PDE8B: variants seen among roughly 807,000 people sequenced by gnomAD.
PDE8B encodes the protein high affinity cAMP-specific and IBMX-insensitive 3',5'-cyclic phosphodiesterase 8B.
In PDE8B, 26 loss-of-function variants were observed where a neutral mutation model predicts 101.3. The observed-to-expected ratio is 0.26, with a 90% CI of 0.19 to 0.36. The LOEUF (loss-of-function observed/expected upper bound fraction) is 0.36. Ranked by LOEUF, PDE8B falls within the 10% of genes least tolerant of loss-of-function variation. PDE8B has a pLI of 1.00. For missense variants in PDE8B, 810 were observed against 1,163.1 expected (o/e 0.70, Z 4.42); for synonymous variants, 424 against 429.3 (o/e 0.99, Z 0.15).
At chr5:77,390,224 A>AG (rs1226802054) in intron 10 of PDE8B, among the ~76,000 whole-genome samples, 2 of 152,242 alleles carry the variant, frequency 1.3e-5, no homozygotes, top group Non-Finnish European at 2.9e-5. Flanking sequence ...AGTGCTTTTT[A>AG]GAACCAAGCA....
At chr5:77,219,712 T>C (rs1484673620) in intron 1 of PDE8B, among the ~76,000 whole-genome samples, 2 of 152,116 alleles carry the variant, frequency 1.3e-5, no homozygotes, top group Non-Finnish European at 2.9e-5. Context: ...ATTTTCAGCT[T>C]AAAAAATGGA....
the PDE8B span, among the ~76,000 whole-genome samples, chr5:77,176,273 T>G: frequency 3.7e-4 from 57 of 152,244 alleles, no homozygotes; most frequent in Non-Finnish European, 6.3e-4. Flanking sequence ...GTTGGTTTTG[T>G]TGCCCTTTTC....
chr5:77,153,857 G>C, the PDE8B span, among the ~76,000 whole-genome samples: 1 of 152,146 alleles, frequency 6.6e-6, no homozygotes, highest in East Asian at 1.9e-4. Flanking sequence ...TTACAGGCAT[G>C]AGCCACCATG....
At chr5:77,256,025 G>T (rs1759090174) in intron 1 of PDE8B, among the ~76,000 whole-genome samples, 1 of 152,102 alleles carries the variant, frequency 6.6e-6, no homozygotes, top group African/African-American at 2.4e-5. Context: ...TTGCTCTCGT[G>T]GTTGATTTAT....
intron 10 of PDE8B, among the ~76,000 whole-genome samples, chr5:77,383,090 C>A (rs1581382297): frequency 6.6e-6 from 1 of 152,204 alleles, no homozygotes; most frequent in Admixed American, 6.5e-5. Context: ...CACATCCTCT[C>A]CAGCATCTGT....
the PDE8B span, among the ~76,000 whole-genome samples, chr5:77,097,612 T>C: frequency 1.4e-5 from 2 of 141,444 alleles, no homozygotes; most frequent in African/African-American, 5.1e-5. Context: ...GGTATCATCC[T>C]CCAAATATCA....
chr5:77,166,216 T>C, the PDE8B span, among the ~76,000 whole-genome samples: 2 of 113,892 alleles, frequency 1.8e-5, no homozygotes, highest in East Asian at 2.6e-4. Context: ...TGAGATTCTT[T>C]CGGTAAAGAT....
Position 77,425,832 on chromosome 5 carries a change from C to T in PDE8B, c.2484C>T (p.Ser828=), listed in dbSNP as rs772672837. ...CAGTGTTTGACCGGAATACCTGTAGCATCCCCAAGTCTCAGATCTCTTTCA... is the reference window on the plus strand; with the variant it reads ...CAGTGTTTGACCGGAATACCTGTAGTATCCCCAAGTCTCAGATCTCTTTCA... ...VMPVFDRNTC[S]IPKSQISFID... The change falls in exon 21 of 22, where the codon AGC becomes AGT. Residue 828 remains serine (S), a synonymous_variant. Coordinates refer to ENST00000264917, the MANE Select transcript of PDE8B (RefSeq NM_003719.5). 4 of 1,611,622 alleles carry T rather than the reference C, an allele frequency of 2.5e-6. No individual in the cohort carries two copies. In the South Asian group the frequency reaches 4.4e-5, roughly 18 times the overall value.
the PDE8B span, among the ~76,000 whole-genome samples, chr5:77,192,444 C>T: frequency 6.6e-6 from 1 of 152,126 alleles, no homozygotes; most frequent in African/African-American, 2.4e-5. Context: ...CTTTTTGTGT[C>T]TGTCTTGTTT....
chr5:77,199,543 G>A, the PDE8B span, among the ~76,000 whole-genome samples: 1 of 152,162 alleles, frequency 6.6e-6, no homozygotes, highest in Non-Finnish European at 1.5e-5. Context: ...CCCCCGTTAT[G>A]AAGGATCTTA....
the PDE8B span, chr5:77,146,307 C>T: frequency 7.9e-5 from 12 of 152,210 alleles, no homozygotes; most frequent in Admixed American, 7.9e-4. Context: ...GAACTGAGGA[C>T]AGATGCTAGG....
At chr5:77,155,481 C>T in the PDE8B span, among the ~76,000 whole-genome samples, 3 of 152,228 alleles carry the variant, frequency 2.0e-5, no homozygotes, top group Non-Finnish European at 2.9e-5. Flanking sequence ...AGATCAGTTA[C>T]TACACCCAAT....
the PDE8B span, among the ~76,000 whole-genome samples, chr5:77,123,371 C>T: frequency 3.4e-4 from 51 of 151,348 alleles, 1 homozygote; most frequent in East Asian, 9.8e-3. Flanking sequence ...CACCGCCCCC[C>T]GCTTAATATT....
intron 1 of PDE8B, among the ~76,000 whole-genome samples, chr5:77,219,322 T>A (rs992790100): frequency 1.3e-5 from 2 of 152,102 alleles, no homozygotes; most frequent in Non-Finnish European, 2.9e-5. Context: ...TTCTCTCAAA[T>A]AGGAAGATGT....
At chr5:77,138,614 T>A in the PDE8B span, among the ~76,000 whole-genome samples, 1 of 152,190 alleles carries the variant, frequency 6.6e-6, no homozygotes, top group Non-Finnish European at 1.5e-5. Flanking sequence ...ACTTTTTAGG[T>A]TCCACTACTT....
chr5:77,337,697 A>G (rs1475818327), intron 6 of PDE8B, among the ~76,000 whole-genome samples: 1 of 152,216 alleles, frequency 6.6e-6, no homozygotes, highest in Non-Finnish European at 1.5e-5. Flanking sequence ...TAATGGCGAT[A>G]TTTATCATGC....
intron 1 of PDE8B, among the ~76,000 whole-genome samples, chr5:77,308,500 C>T (rs1771777654): frequency 6.6e-6 from 1 of 152,188 alleles, no homozygotes; most frequent in South Asian, 2.1e-4. Flanking sequence ...CCGGGCTCTG[C>T]TGTCCTCCCA....
intron 13 of PDE8B, among the ~76,000 whole-genome samples, chr5:77,408,062 G>A (rs1793836079): frequency 6.6e-6 from 1 of 152,218 alleles, no homozygotes; most frequent in Admixed American, 6.5e-5. Flanking sequence ...TCTGTGCAGA[G>A]AATCGATTGG....
the PDE8B span, among the ~76,000 whole-genome samples, chr5:77,191,947 T>G: frequency 6.6e-6 from 1 of 152,172 alleles, no homozygotes; most frequent in African/African-American, 2.4e-5. Context: ...CATTAGATTC[T>G]CATAAGGAGT....
Sources: gnomAD v4.1 joint callset for allele counts (sites outside exome capture counted in the v4.1 genomes callset) on GRCh38, gnomAD v4.1.1 for gene constraint, MANE v1.5 for transcripts, NCBI Gene and HGNC (gene_info 2026-07-23, HGNC 2026-07-21) for gene names.